NCOA1: variants seen among roughly 807,000 people sequenced by gnomAD.
NCOA1 encodes nuclear receptor coactivator 1, also known as Hin-2 protein.
Under a neutral mutation model 150.9 loss-of-function variants are expected in NCOA1, and 35 were observed. The ratio of observed to expected loss-of-function variants is 0.23; its 90% CI spans 0.18 to 0.31. The LOEUF (loss-of-function observed/expected upper bound fraction) is 0.31. Among genes scored for constraint, NCOA1 ranks in the 10% least tolerant of loss-of-function variants. The pLI, the probability that NCOA1 is intolerant of heterozygous loss-of-function variation, is 1.00. For missense variants in NCOA1, 1,491 were observed against 1,749.3 expected (o/e 0.85, Z 2.63); for synonymous variants, 590 against 630.0 (o/e 0.94, Z 0.95).
chr2:24,741,369 A>G (rs1178275337), intron 18 of NCOA1, among the ~76,000 whole-genome samples: 1 of 152,208 alleles, frequency 6.6e-6, no homozygotes, highest in Non-Finnish European at 1.5e-5. Context: ...CTAATGATCT[A>G]ATGAAGGATA....
chr2:24,649,822 G>T (rs1670635117), intron 4 of NCOA1, among the ~76,000 whole-genome samples: 1 of 151,990 alleles, frequency 6.6e-6, no homozygotes, highest in Non-Finnish European at 1.5e-5. Context: ...TTGTCGCTTA[G>T]TCTGTGGAAT....
At chr2:24,762,650 C>G in intron 21 of NCOA1, 37 bp from the exon 22 acceptor site, 1 of 1,578,162 alleles carries the variant, frequency 6.3e-7, no homozygotes, top group East Asian at 2.2e-5. Flanking sequence ...GTTTAAACAA[C>G]TAGCTTGTAA....
chr2:24,745,375 G>T (rs920473281), intron 19 of NCOA1, among the ~76,000 whole-genome samples: 1 of 151,942 alleles, frequency 6.6e-6, no homozygotes, highest in Non-Finnish European at 1.5e-5. Flanking sequence ...TGTTAGCCAG[G>T]ATGGTCTCAA....
In NCOA1 at chr2:24,707,006, T is replaced by A; in HGVS notation, c.1536T>A (p.Ile512=). The change falls in exon 13 of 23, where the codon ATT becomes ATA. Residue 512 remains isoleucine, a synonymous_variant. Coordinates refer to ENST00000348332, the MANE Select transcript of NCOA1 (RefSeq NM_003743.5). ...CAAACAATTCCTTTCCTCCTAATAT[T>A]TCGACATTAAGCTCTCCCGTTGGCA... ...RMPNNSFPPN[I]STLSSPVGMT... The A allele has an allele frequency of 6.2e-7, 1 of 1,614,200 alleles. No individual in the cohort carries two copies. The highest frequency in any genetic ancestry group is 8.5e-7 in the Non-Finnish European group (1 of 1,180,024).
chr2:24,570,896 G>A (rs1666718489), intron 2 of NCOA1, among the ~76,000 whole-genome samples: 1 of 152,186 alleles, frequency 6.6e-6, no homozygotes, highest in Non-Finnish European at 1.5e-5. Flanking sequence ...GGAGGAAACC[G>A]TAGATTAACA....
chr2:24,624,677 A>G (rs893279400), intron 3 of NCOA1, among the ~76,000 whole-genome samples: 1 of 152,186 alleles, frequency 6.6e-6, no homozygotes, highest in Non-Finnish European at 1.5e-5. Context: ...TTCCTTTCTT[A>G]GGGAAGTTGC....
At chr2:24,680,062 A>G (rs1468806388) in intron 7 of NCOA1, among the ~76,000 whole-genome samples, 1 of 152,198 alleles carries the variant, frequency 6.6e-6, no homozygotes, top group Admixed American at 6.5e-5. Context: ...GTTGGCAGAC[A>G]CTTAGCTTGA....
At chr2:24,767,943 A>T in intron 22 of NCOA1, 6 of 783,486 alleles carry the variant, frequency 7.7e-6, no homozygotes, top group Non-Finnish European at 1.3e-5. Flanking sequence ...TCTTGGCAAC[A>T]TTAGCAATGA....
At chr2:24,648,499 C>G (rs993788198) in intron 4 of NCOA1, among the ~76,000 whole-genome samples, 1 of 152,152 alleles carries the variant, frequency 6.6e-6, no homozygotes, top group East Asian at 1.9e-4. Flanking sequence ...TCTCGAACTC[C>G]TGACCTCATG....
chr2:24,741,655 T>C, intron 18 of NCOA1, 129 bp from the exon 19 acceptor site: 5 of 994,920 alleles, frequency 5.0e-6, no homozygotes, highest in East Asian at 5.5e-5. Flanking sequence ...TCTGTTTTAG[T>C]TTCCCTTGTA....
At chr2:24,642,037 T>TGTGTGTGTGTGTGCGCGCGCGC (rs942145000) in intron 3 of NCOA1, among the ~76,000 whole-genome samples, 1 of 138,556 alleles carries the variant, frequency 7.2e-6, no homozygotes, top group African/African-American at 2.6e-5. Flanking sequence ...TGTGTGTGTG[T>TGTGTGTGTGTGTGCGCGCGCGC]GCGCGCGTGC....
chr2:24,551,472 A>T lies in NCOA1; in HGVS notation c.-395-12823A>T, dbSNP rs540047039. Among the ~76,000 whole-genome samples, 1,289 of 151,272 alleles carry T rather than the reference A, an allele frequency of 8.5e-3. 14 individuals carry two copies. Among genetic ancestry groups the T allele is most frequent in the African/African-American group, 0.03 (1,232 of 41,184 alleles). On this transcript the variant is annotated intron_variant, in intron 1 of 22. Transcript: ENST00000348332. ...AAGTTTAAAATTTTAATAAAGTGTT[A>T]TTTTTTTTTCTTTTATCGTTTGTGT...
chr2:24,660,901 G>GA (rs901046292), intron 5 of NCOA1, among the ~76,000 whole-genome samples: 173 of 145,430 alleles, frequency 1.2e-3, no homozygotes, highest in East Asian at 4.2e-3. Flanking sequence ...CTCTATTTAA[G>GA]AAAAAAAAAA....
In NCOA1 at chr2:24,603,442, T is replaced by C. The variant is rs187188836; in HGVS notation, c.-175+18882T>C. On this transcript the variant is annotated intron_variant, in intron 3 of 22. Transcript: ENST00000348332. ...TGTAACGTGATGCTATTTGATAACA[T>C]TTTTTACCCACAGTATATCTTCTTT... is the stretch of plus-strand genomic sequence containing the variant. 1.2e-3 allele frequency among the ~76,000 whole-genome samples: 183 copies of C among 152,332 alleles called. 2 individuals carry two copies. In the Middle Eastern group the frequency reaches 0.034, roughly 28 times the overall value.
At chr2:24,646,729 G>C (rs1388545989) in intron 4 of NCOA1, among the ~76,000 whole-genome samples, 1 of 148,798 alleles carries the variant, frequency 6.7e-6, no homozygotes. Flanking sequence ...TTAATGAAAA[G>C]GTTATCTTAA....
At chr2:24,665,219 T>G (rs971720633) in intron 5 of NCOA1, among the ~76,000 whole-genome samples, 2 of 152,202 alleles carry the variant, frequency 1.3e-5, no homozygotes, top group African/African-American at 4.8e-5. Context: ...ATTATTATTA[T>G]CCTTATTTTG....
chr2:24,514,675 C>T (rs944312385), intron 1 of NCOA1, among the ~76,000 whole-genome samples: 2 of 151,376 alleles, frequency 1.3e-5, no homozygotes, highest in African/African-American at 2.4e-5. Flanking sequence ...GTTGGTGTGC[C>T]TCTGAGGTGG....
chr2:24,621,320 T>C (rs1446463313), intron 3 of NCOA1, among the ~76,000 whole-genome samples: 5 of 152,050 alleles, frequency 3.3e-5, no homozygotes, highest in African/African-American at 9.7e-5. Flanking sequence ...TTAAAATCTC[T>C]TGTTTTTTTG....
At chr2:24,521,221 T>G (rs1053235146) in intron 1 of NCOA1, among the ~76,000 whole-genome samples, 1 of 152,218 alleles carries the variant, frequency 6.6e-6, no homozygotes, top group Non-Finnish European at 1.5e-5. Flanking sequence ...ATTAAGCTGA[T>G]CAGCATATCG....
Sources: allele counts gnomAD v4.1 joint callset (sites outside exome capture counted in the v4.1 genomes callset), GRCh38; gene constraint gnomAD v4.1.1; transcripts MANE v1.5; gene names NCBI Gene and HGNC (gene_info 2026-07-23, HGNC 2026-07-21).